The following IPPK variants were observed in gnomAD, a reference collection of about 807,000 sequenced individuals.
IPPK encodes inositol-pentakisphosphate 2-kinase.
A neutral mutation model predicts 64.6 loss-of-function variants in IPPK; 22 were observed. The ratio of observed to expected loss-of-function variants is 0.34; its 90% CI spans 0.24 to 0.49. IPPK has a LOEUF of 0.49. Among genes scored for constraint, IPPK ranks in the 20% least tolerant of loss-of-function variants. The probability of loss-of-function intolerance (pLI) is 0.99; values close to 1 mark genes in which losing one functional copy is unlikely to be tolerated. For missense variants in IPPK, 532 were observed against 630.7 expected (o/e 0.84, Z 1.68); for synonymous variants, 262 against 247.2 (o/e 1.06, Z -0.56).
chr9:92,624,378 G>C (rs1041644617), intron 11 of IPPK, among the ~76,000 whole-genome samples: 3 of 152,024 alleles, frequency 2.0e-5, no homozygotes, highest in African/African-American at 7.3e-5. Flanking sequence ...AGTATTACTT[G>C]AACCCGGGAG....
chr9:92,656,117 C>T (rs1247548943), intron 3 of IPPK, among the ~76,000 whole-genome samples: 1 of 152,220 alleles, frequency 6.6e-6, no homozygotes, highest in Admixed American at 6.5e-5. Context: ...CCATGTAGGG[C>T]CTCCTGTGTT....
intron 6 of IPPK, among the ~76,000 whole-genome samples, chr9:92,647,037 G>A (rs1181745554): frequency 6.6e-6 from 1 of 152,182 alleles, no homozygotes; most frequent in Non-Finnish European, 1.5e-5. Context: ...ACCAAAAGTT[G>A]TTTCTTTGAA....
chr9:92,654,899 C>T lies in IPPK; in HGVS notation c.225+1557G>A, dbSNP rs773592231. On this transcript the variant is annotated intron_variant, in intron 3 of 12. Coordinates refer to ENST00000287996, the MANE Select transcript of IPPK (RefSeq NM_022755.6). Reference sequence around the variant, plus strand: ...GAGGTTCCAACGGAGCTGAGGCTGGCGCCAGAGAGCGTCCAACCTCACCAG... The same window carrying T: ...GAGGTTCCAACGGAGCTGAGGCTGGTGCCAGAGAGCGTCCAACCTCACCAG... Among the ~76,000 whole-genome samples, 9 of 152,356 alleles carry T rather than the reference C, an allele frequency of 5.9e-5. No homozygotes were observed. The South Asian group carries it at 1.4e-3, about 25-fold the overall frequency.
chr9:92,649,348 A>C, intron 5 of IPPK, 105 bp downstream of exon 5: 1 of 1,347,540 alleles, frequency 7.4e-7, no homozygotes. Flanking sequence ...GGTGCCTACC[A>C]CTCACTTCAG....
rs182931619 is a variant in IPPK, at chr9:92,665,843, G to A, written c.81+4065C>T. 1.0e-3 allele frequency among the ~76,000 whole-genome samples: 153 copies of A among 152,180 alleles called. 1 individual carries two copies. Among genetic ancestry groups the A allele is most frequent in the Middle Eastern group, 3.4e-3 (1 of 294 alleles). On this transcript the variant is annotated intron_variant, in intron 1 of 12. Transcript: ENST00000287996. ...AAAAATACATATATATATGATCTAT[G>A]AACCAGAAATCTTAAAACACAAGAT...
At chr9:92,658,703 C>A in intron 1 of IPPK, 22 bp from the exon 2 acceptor site, 1 of 1,611,648 alleles carries the variant, frequency 6.2e-7, no homozygotes, top group Non-Finnish European at 8.5e-7. Flanking sequence ...TAAAACAAAT[C>A]TGATTAGTAT....
intron 2 of IPPK, among the ~76,000 whole-genome samples, chr9:92,656,792 G>A (rs1458930000): frequency 1.7e-4 from 26 of 152,182 alleles, no homozygotes; most frequent in Non-Finnish European, 3.8e-4. Flanking sequence ...GTAGCAGTCT[G>A]AGGACCGCAC....
At chr9:92,628,687 C>T (rs1851777322) in intron 11 of IPPK, among the ~76,000 whole-genome samples, 1 of 152,072 alleles carries the variant, frequency 6.6e-6, no homozygotes, top group South Asian at 2.1e-4. Context: ...ACCAGCCTGG[C>T]CAACATGGCA....
At chr9:92,623,690 A>C (rs1851684542) in intron 11 of IPPK, among the ~76,000 whole-genome samples, 1 of 152,170 alleles carries the variant, frequency 6.6e-6, no homozygotes, top group South Asian at 2.1e-4. Context: ...CTACACACAC[A>C]CCAGAATGGG....
At chr9:92,619,621 C>A (rs1329569793) in intron 11 of IPPK, 56 bp from the exon 12 acceptor site, 3 of 1,437,336 alleles carry the variant, frequency 2.1e-6, no homozygotes, top group Non-Finnish European at 2.9e-6. Context: ...TGCCCCCCCA[C>A]ACAACCTTCC....
intron 1 of IPPK, among the ~76,000 whole-genome samples, chr9:92,663,196 T>G (rs552510010): frequency 6.6e-6 from 1 of 152,380 alleles, no homozygotes; most frequent in South Asian, 2.1e-4. Flanking sequence ...AGTGATGGAC[T>G]GCATGAAACA....
intron 11 of IPPK, among the ~76,000 whole-genome samples, chr9:92,624,003 C>A (rs998139361): frequency 1.5e-4 from 23 of 152,210 alleles, no homozygotes; most frequent in Non-Finnish European, 2.6e-4. Flanking sequence ...AATGTTGTCA[C>A]TGGGTTCTTG....
At chr9:92,629,707 C>CAAAAAAAAA (rs201735483) in intron 11 of IPPK, among the ~76,000 whole-genome samples, 1 of 94,682 alleles carries the variant, frequency 1.1e-5, no homozygotes, top group Non-Finnish European at 2.2e-5. Flanking sequence ...GATTCTATCT[C>CAAAAAAAAA]AAAAAAAAAA....
intron 8 of IPPK, among the ~76,000 whole-genome samples, chr9:92,638,707 A>C (rs1851991436): frequency 6.6e-6 from 1 of 152,246 alleles, no homozygotes; most frequent in Non-Finnish European, 1.5e-5. Context: ...CCAGCACCAC[A>C]AACGAGTGTG....
At chr9:92,628,954 T>TA (rs111453468) in intron 11 of IPPK, among the ~76,000 whole-genome samples, 35 of 152,102 alleles carry the variant, frequency 2.3e-4, no homozygotes, top group African/African-American at 8.2e-4. Flanking sequence ...AGCTGGGTGT[T>TA]ACGGTGCACA....
rs1414586261 is a variant in IPPK at position 92,615,153 on chromosome 9, C to CAAAAA, written c.*674_*678dup. On this transcript the variant is annotated 3_prime_UTR_variant, in exon 13 of 13. Coordinates refer to ENST00000287996, the MANE Select transcript of IPPK (RefSeq NM_022755.6). ...TCATGTGAAAGATTAAATTGTAAAGCAAAAAAAAAAAGGTCAATGCTCGCA... is the reference window on the plus strand; with the variant it reads ...TCATGTGAAAGATTAAATTGTAAAGCAAAAAAAAAAAAAAAAGGTCAATGCTCGCA... The CAAAAA allele has an allele frequency of 2.1e-5, 3 of 143,076 alleles. No homozygotes were observed. Among genetic ancestry groups the CAAAAA allele is most frequent in the African/African-American group, 7.7e-5 (3 of 39,024 alleles). The allele number at this position is 143,076 out of a possible 1,614,324, so 8.9% of individuals were successfully genotyped here.
intron 11 of IPPK, among the ~76,000 whole-genome samples, chr9:92,626,845 G>A (rs954692575): frequency 3.3e-5 from 5 of 151,832 alleles, no homozygotes; most frequent in African/African-American, 1.2e-4. Context: ...CACCTACTGA[G>A]CAAGGACAGA....
At chr9:92,625,247 T>C (rs192980241) in intron 11 of IPPK, among the ~76,000 whole-genome samples, 29 of 152,360 alleles carry the variant, frequency 1.9e-4, no homozygotes, top group African/African-American at 6.7e-4. Context: ...ATTAGTAATA[T>C]CTAGTGTTCG....
intron 3 of IPPK, among the ~76,000 whole-genome samples, chr9:92,655,192 G>A (rs1852346638): frequency 1.3e-5 from 2 of 152,220 alleles, no homozygotes; most frequent in African/African-American, 4.8e-5. Flanking sequence ...AAACAGGAGG[G>A]AAACTACGCT....
Sources: allele counts gnomAD v4.1 joint callset (sites outside exome capture counted in the v4.1 genomes callset), GRCh38; gene constraint gnomAD v4.1.1; transcripts MANE v1.5; gene names NCBI Gene and HGNC (gene_info 2026-07-23, HGNC 2026-07-21).